Variants in LIMCH1 observed in about 807,000 individuals in gnomAD.
LIMCH1 encodes LIM and calponin homology domains-containing protein 1.
Under a neutral mutation model 176.5 loss-of-function variants are expected in LIMCH1, and 113 were observed. The ratio of observed to expected loss-of-function variants is 0.64; its 90% confidence interval spans 0.55 to 0.75. The LOEUF (loss-of-function observed/expected upper bound fraction) is 0.75, where lower values mean the gene tolerates loss of function less well. LIMCH1 is among the 30% of genes least tolerant of loss of function. LIMCH1 has a pLI of 0.00. For missense variants in LIMCH1, 1,674 were observed against 1,814.9 expected (o/e 0.92, Z 1.41); for synonymous variants, 619 against 645.9 (o/e 0.96, Z 0.63).
chr4:41,664,102 G>T (rs1009771881), intron 20 of LIMCH1, among the ~76,000 whole-genome samples: 1 of 152,076 alleles, frequency 6.6e-6, no homozygotes, highest in African/African-American at 2.4e-5. Flanking sequence ...ATCTGTGGAG[G>T]CAGAGCCCAG....
intron 30 of LIMCH1, chr4:41,689,843 A>G (rs2153079141): frequency 2.3e-6 from 1 of 438,190 alleles, no homozygotes; most frequent in East Asian, 3.6e-5. Context: ...AGGTTTGTGC[A>G]ATTTGTCCTT....
intron 1 of LIMCH1, among the ~76,000 whole-genome samples, chr4:41,409,779 T>C (rs74760807): frequency 6.6e-6 from 1 of 152,170 alleles, no homozygotes; most frequent in Non-Finnish European, 1.5e-5. Flanking sequence ...GTACCATAAT[T>C]TGAAACAGTA....
chr4:41,601,100 C>T (rs959003389), intron 2 of LIMCH1, among the ~76,000 whole-genome samples: 11 of 152,126 alleles, frequency 7.2e-5, no homozygotes, highest in African/African-American at 2.7e-4. Flanking sequence ...TCCCCCATGA[C>T]CCTGGCATTT....
intron 2 of LIMCH1, among the ~76,000 whole-genome samples, chr4:41,504,723 A>G (rs1264012159): frequency 1.3e-5 from 2 of 152,224 alleles, no homozygotes; most frequent in South Asian, 2.1e-4. Context: ...TGGTTTGCTT[A>G]TCATTTTCCC....
intron 1 of LIMCH1, among the ~76,000 whole-genome samples, chr4:41,579,028 C>T (rs1026925283): frequency 2.7e-5 from 4 of 150,566 alleles, no homozygotes; most frequent in African/African-American, 9.9e-5. Flanking sequence ...ATGAATAAAA[C>T]TAACAGAAGA....
intron 13 of LIMCH1, among the ~76,000 whole-genome samples, chr4:41,634,502 A>G (rs75307071): frequency 0.021 from 3,228 of 152,318 alleles, 109 homozygotes; most frequent in African/African-American, 0.074. Context: ...GCAGTGGGAG[A>G]GAAGGCAGAG....
At chr4:41,513,603 C>T (rs769465432) in intron 2 of LIMCH1, among the ~76,000 whole-genome samples, 1 of 152,222 alleles carries the variant, frequency 6.6e-6, no homozygotes, top group Non-Finnish European at 1.5e-5. Flanking sequence ...ACAGGAACTT[C>T]ATGCAGTAAT....
At chr4:41,559,666 A>G (rs1405796927) in intron 1 of LIMCH1, among the ~76,000 whole-genome samples, 1 of 152,160 alleles carries the variant, frequency 6.6e-6, no homozygotes, top group Non-Finnish European at 1.5e-5. Flanking sequence ...ACCTACTCTC[A>G]GGGTCACTAA....
In LIMCH1 at chr4:41,662,933, G is replaced by T. The variant is rs1371793861; in HGVS notation, c.3240G>T (p.Lys1080Asn). 3.1e-6 allele frequency: 5 copies of T among 1,613,870 alleles called. No individual in the cohort carries two copies. Among genetic ancestry groups the T allele is most frequent in the Non-Finnish European group, 8.5e-7 (1 of 1,179,974 alleles). ...ATGTGTCGGAAGAAAAAGACCAGAA[G>T]AAACCAGAAAATGAAATGAGTGGAA... is the stretch of plus-strand genomic sequence containing the variant. ...KNDVSEEKDQ[K>N]KPENEMSGKV... The change falls in exon 20 of 32, where the codon AAG (lysine) becomes AAT (asparagine). Residue 1080 changes from lysine to asparagine, a missense_variant. By Grantham distance (94) the Lys-to-Asn change is moderately conservative. Coordinates refer to ENST00000503057, the MANE Select transcript of LIMCH1 (RefSeq NM_001330672.2).
rs573804644 is a variant in LIMCH1, at chr4:41,363,361, A to T, written c.96+2425A>T. On this transcript the variant is annotated intron_variant, in intron 1 of 26. Coordinates refer to the LIMCH1 transcript ENST00000313860. The stretch of plus-strand genomic sequence containing the variant: ...CCCCATTGTCTCTGGCAGCATCCTC[A>T]TTGGTAGGGCTTTGTTTTTACTTTT... Among the ~76,000 whole-genome samples the T allele has an allele frequency of 1.8e-4, 27 of 152,284 alleles. 1 individual carries two copies. In the South Asian group the frequency reaches 5.4e-3, roughly 30 times the overall value.
At chr4:41,364,961 T>G (rs1444343842) in intron 1 of LIMCH1, among the ~76,000 whole-genome samples, 2 of 152,232 alleles carry the variant, frequency 1.3e-5, no homozygotes, top group Admixed American at 6.5e-5. Flanking sequence ...ACTCTGATTT[T>G]CCTGATTCCC....
intron 1 of LIMCH1, among the ~76,000 whole-genome samples, chr4:41,571,554 G>A (rs573453947): frequency 2.0e-5 from 3 of 152,192 alleles, no homozygotes; most frequent in Admixed American, 6.5e-5. Context: ...TAAAATTATG[G>A]CCTCAGTGAG....
intron 1 of LIMCH1, among the ~76,000 whole-genome samples, chr4:41,591,759 C>G (rs753729292): frequency 2.0e-5 from 3 of 152,042 alleles, no homozygotes; most frequent in Non-Finnish European, 4.4e-5. Context: ...ATGAGCATTC[C>G]CTTCATTTTC....
chr4:41,535,883 AT>A (rs531250362), upstream of LIMCH1, among the ~76,000 whole-genome samples: 168 of 149,978 alleles, frequency 1.1e-3, 1 homozygote, highest in African/African-American at 3.4e-3. Flanking sequence ...CCCCAACTTC[AT>A]TTTTTTTTCC....
intron 2 of LIMCH1, among the ~76,000 whole-genome samples, chr4:41,512,567 G>A (rs577650863): frequency 6.6e-6 from 1 of 152,142 alleles, no homozygotes; most frequent in Admixed American, 6.5e-5. Flanking sequence ...ATATTATTTG[G>A]CTATAAAAAG....
intron 1 of LIMCH1, among the ~76,000 whole-genome samples, chr4:41,479,418 A>C (rs952745832): frequency 6.6e-6 from 1 of 152,024 alleles, no homozygotes; most frequent in Non-Finnish European, 1.5e-5. Flanking sequence ...CACCCGGCCA[A>C]ATTTTTTTGT....
chr4:41,687,738 A>G, intron 28 of LIMCH1, 102 bp from the exon 29 acceptor site: 1 of 736,916 alleles, frequency 1.4e-6, no homozygotes, highest in Non-Finnish European at 2.3e-6. Flanking sequence ...TTGTCACAAA[A>G]GTTTTATTTT....
intron 1 of LIMCH1, among the ~76,000 whole-genome samples, chr4:41,440,320 C>G (rs2062566084): frequency 6.6e-6 from 1 of 152,114 alleles, no homozygotes; most frequent in African/African-American, 2.4e-5. Flanking sequence ...AAATCACATT[C>G]TACAGAAATA....
chr4:41,670,682 G>A (rs1305367985), intron 21 of LIMCH1: 1 of 1,474,264 alleles, frequency 6.8e-7, no homozygotes, highest in African/African-American at 1.4e-5. Flanking sequence ...CAGTTTTCAT[G>A]GTTTTCTGTT....
Sources: gnomAD v4.1 joint callset for allele counts (sites outside exome capture counted in the v4.1 genomes callset) on GRCh38, gnomAD v4.1.1 for gene constraint, MANE v1.5 for transcripts, NCBI Gene and HGNC (gene_info 2026-07-23, HGNC 2026-07-21) for gene names.